SEC14L4: variants seen among roughly 807,000 people sequenced by gnomAD.
The protein encoded by SEC14L4 is SEC14-like protein 4.
SEC14L4 carries 42 observed loss-of-function variants against 55.1 expected under a neutral mutation model. That is an observed-to-expected ratio of 0.76 (90% CI 0.60 to 0.99). SEC14L4 has a LOEUF of 0.99. Among genes scored for constraint, SEC14L4 ranks in the 50% least tolerant of loss-of-function variants. The probability of loss-of-function intolerance (pLI) is 0.00; values close to 1 mark genes in which losing one functional copy is unlikely to be tolerated. For missense variants in SEC14L4, 445 were observed against 512.1 expected (o/e 0.87, Z 1.27); for synonymous variants, 206 against 206.8 (o/e 1.00, Z 0.03).
Position 30,495,365 on chromosome 22 carries a change from C to G in SEC14L4, c.312G>C (p.Gly104=), listed in dbSNP as rs774862431. 1 of 1,614,038 alleles carries G rather than the reference C, an allele frequency of 6.2e-7. No homozygotes were observed. The highest frequency in any genetic ancestry group is 8.5e-7 in the Non-Finnish European group (1 of 1,180,016). ...GCAGGAGACCCTTGGGGTCGAGGGA[C>G]CCAATGATGTTGAAGTACACAGGGC... ...EGCPVYFNII[G]SLDPKGLLLS... is the part of the protein sequence containing the mutation. The change falls in exon 5 of 12, where the codon GGG becomes GGC. Residue 104 remains glycine (G), a synonymous_variant. Transcript: ENST00000255858.
At position 30,491,296 on chromosome 22, in the gene SEC14L4, G is replaced by T. The variant is rs1414990589; in HGVS notation, c.1081+277C>A. The T allele has an allele frequency of 2.8e-5, 14 of 505,344 alleles. No homozygotes were observed. The East Asian group carries it at 4.3e-4, about 15-fold the overall frequency. The allele number at this position is 505,344 out of a possible 1,614,324, so 31.3% of individuals were successfully genotyped here. A position where few individuals can be genotyped will look rare whatever the true frequency, so the allele number is the denominator to read the frequency against. On this transcript the variant is annotated intron_variant, in intron 11 of 11. Transcript: ENST00000255858. ...CAAGACCCCTGACTCTAAGTCCATG[G>T]CCTCTTACTTACCTGTCTCTTAGTC...
chr22:30,494,380 G>A (rs1333308706), intron 6 of SEC14L4, among the ~76,000 whole-genome samples, 170 bp from the exon 7 acceptor site: 1 of 151,976 alleles, frequency 6.6e-6, no homozygotes, highest in African/African-American at 2.4e-5. Flanking sequence ...TTGTTGATTT[G>A]TTCTCGAGAC....
chr22:30,490,062 G>A lies in SEC14L4; in HGVS notation c.*45C>T. ...CTGGGAAGGCAGGGGTCAGAGGGGT[G>A]GGTGTGAAGGGGTTGGAGTGCACAG... On this transcript the variant is annotated 3_prime_UTR_variant, in exon 12 of 12. Transcript: ENST00000255858. The A allele has an allele frequency of 1.2e-6, 2 of 1,605,398 alleles. No individual in the cohort carries two copies. The highest frequency in any genetic ancestry group is 1.7e-6 in the Non-Finnish European group (2 of 1,174,844).
At chr22:30,497,516 C>T (rs796165109) in intron 2 of SEC14L4, among the ~76,000 whole-genome samples, 6 of 150,802 alleles carry the variant, frequency 4.0e-5, no homozygotes, top group African/African-American at 1.5e-4. Context: ...CTGAGTGAGA[C>T]CCTGTCTGAA....
At chr22:30,497,663 T>C (rs1936193258) in intron 2 of SEC14L4, among the ~76,000 whole-genome samples, 1 of 152,196 alleles carries the variant, frequency 6.6e-6, no homozygotes, top group Admixed American at 6.5e-5. Flanking sequence ...TGACCTGTGA[T>C]GATTCCAGCC....
intron 2 of SEC14L4, among the ~76,000 whole-genome samples, chr22:30,496,915 A>C (rs371123053): frequency 1.3e-4 from 20 of 152,168 alleles, no homozygotes; most frequent in African/African-American, 4.6e-4. Flanking sequence ...TTGCTCTCTG[A>C]GACCCCTGGC....
chr22:30,502,732 G>C (rs1162676880), intron 2 of SEC14L4, among the ~76,000 whole-genome samples: 1 of 152,048 alleles, frequency 6.6e-6, no homozygotes, highest in African/African-American at 2.4e-5. Context: ...TGTATTTTTT[G>C]TAGAGATGAG....
chr22:30,496,005 C>T (rs374078512), intron 2 of SEC14L4, 34 bp from the exon 3 acceptor site: 5 of 1,606,412 alleles, frequency 3.1e-6, no homozygotes, highest in Non-Finnish European at 4.3e-6. Context: ...AAGCTCAAGG[C>T]TAGATCCAGA....
Position 30,491,684 on chromosome 22 carries a change from T to C in SEC14L4, c.970A>G (p.Met324Val). 1 of 1,614,094 alleles carries C rather than the reference T, an allele frequency of 6.2e-7. No homozygotes were observed. Residue 324 changes from methionine (M) to valine (V), a missense_variant, in exon 11 of 12, where the codon ATG (methionine) becomes GTG (valine). Transcript: ENST00000255858. ...IGFGVFLKTK[M>V]GEQQSAREMT... Reference sequence around the variant, plus strand: ...TCCCTAGCACTCTGCTGCTCCCCCATCTTGGTCTTCAGGAAAACCCCAAAG... The same window carrying C: ...TCCCTAGCACTCTGCTGCTCCCCCACCTTGGTCTTCAGGAAAACCCCAAAG...
intron 11 of SEC14L4, 28 bp downstream of exon 11, chr22:30,491,545 C>G: frequency 6.2e-7 from 1 of 1,612,770 alleles, no homozygotes; most frequent in East Asian, 2.2e-5. Context: ...GCAGGGAAAA[C>G]AATTCCAGTA....
chr22:30,502,774 C>T (rs954530733), intron 2 of SEC14L4, among the ~76,000 whole-genome samples: 1 of 152,152 alleles, frequency 6.6e-6, no homozygotes, highest in Non-Finnish European at 1.5e-5. Flanking sequence ...TGGTCTTGAA[C>T]TCCTGAGCTC....
At chr22:30,501,710 T>G (rs762058184) in intron 2 of SEC14L4, among the ~76,000 whole-genome samples, 11 of 151,974 alleles carry the variant, frequency 7.2e-5, no homozygotes, top group Non-Finnish European at 1.6e-4. Context: ...ATCATCATCA[T>G]AAGAAGAAGA....
rs1046106416 is a variant in SEC14L4 at position 30,489,618 on chromosome 22, C to T, written c.*489G>A. 8.5e-6 allele frequency: 5 copies of T among 584,960 alleles called. No individual in the cohort carries two copies. The African/African-American group carries it at 9.3e-5, about 11-fold the overall frequency. 36.2% of individuals were successfully genotyped at this position (584,960 alleles called of 1,614,324 possible). ...GCTCTGCTGGAACCAGGACCCTCAC[C>T]CAGCTGCCTCCAGCTGGGCCTGCCC... On this transcript the variant is annotated 3_prime_UTR_variant, in exon 12 of 12. Transcript: ENST00000255858.
In SEC14L4 at chr22:30,495,566, T is replaced by C. The variant is rs772551265; in HGVS notation, c.234+17A>G. On this transcript the variant is annotated intron_variant, in intron 4 of 11. Transcript: ENST00000255858. ...GAGGGGCCTCAGATGGCCTGGGGGA[T>C]GCTGCTCGAGGCTCACCTCAGGGGG... 9 of 1,613,788 alleles carry C rather than the reference T, an allele frequency of 5.6e-6. No homozygotes were observed. The East Asian group carries it at 2.0e-4, about 36-fold the overall frequency.
chr22:30,494,300 G>T (rs1046627945), intron 6 of SEC14L4, 90 bp from the exon 7 acceptor site: 3 of 972,094 alleles, frequency 3.1e-6, no homozygotes, highest in African/African-American at 3.2e-5. Flanking sequence ...TGAGACAAGA[G>T]GCCCATCCCT....
chr22:30,504,112 T>C (rs1601860461), intron 1 of SEC14L4, among the ~76,000 whole-genome samples: 1 of 151,644 alleles, frequency 6.6e-6, no homozygotes, highest in African/African-American at 2.4e-5. Context: ...AGCTGGAGCG[T>C]AGTTGCGTGA....
intron 8 of SEC14L4, 95 bp from the exon 9 acceptor site, chr22:30,492,250 G>T: frequency 1.4e-6 from 2 of 1,468,166 alleles, no homozygotes; most frequent in Non-Finnish European, 1.9e-6. Flanking sequence ...GATATGTCCT[G>T]GGCGTGCTCC....
At chr22:30,496,007 A>G in intron 2 of SEC14L4, 36 bp from the exon 3 acceptor site, 3 of 1,597,086 alleles carry the variant, frequency 1.9e-6, no homozygotes, top group Non-Finnish European at 2.6e-6. Flanking sequence ...GCTCAAGGCT[A>G]GATCCAGAAA....
In SEC14L4 at chr22:30,495,014, T is replaced by G; in HGVS notation, c.424-53A>C. The G allele has an allele frequency of 2.0e-6, 3 of 1,508,510 alleles. No individual in the cohort carries two copies. The South Asian group carries it at 3.4e-5, about 17-fold the overall frequency. The allele number at this position is 1,508,510 out of a possible 1,614,324, so 93.4% of individuals were successfully genotyped here. A position where few individuals can be genotyped will look rare whatever the true frequency, so the allele number is the denominator to read the frequency against. On this transcript the variant is annotated intron_variant, in intron 5 of 11. Transcript: ENST00000255858. ...GACGACAGCTCCAGCCAGGAGATCC[T>G]GGCCAGAGAGACTTGGGCACCTCTC...
Sources: allele counts gnomAD v4.1 joint callset (sites outside exome capture counted in the v4.1 genomes callset), GRCh38; gene constraint gnomAD v4.1.1; transcripts MANE v1.5; gene names NCBI Gene and HGNC (gene_info 2026-07-23, HGNC 2026-07-21).